Variants in TMEM63C observed in about 807,000 individuals in gnomAD.
TMEM63C encodes osmosensitive cation channel TMEM63C.
Under a neutral mutation model 99.2 loss-of-function variants are expected in TMEM63C, and 32 were observed. The observed-to-expected ratio is 0.32, with a 90% CI of 0.24 to 0.43. The LOEUF is 0.43. TMEM63C is among the 20% of genes least tolerant of loss of function. The probability of loss-of-function intolerance (pLI) is 1.00; values close to 1 mark genes in which losing one functional copy is unlikely to be tolerated. For missense variants in TMEM63C, 826 were observed against 1,053.0 expected (o/e 0.78, Z 2.98); for synonymous variants, 376 against 397.9 (o/e 0.94, Z 0.66).
At chr14:77,192,939 G>T (rs1245053488) in intron 1 of TMEM63C, among the ~76,000 whole-genome samples, 1 of 152,134 alleles carries the variant, frequency 6.6e-6, no homozygotes, top group Non-Finnish European at 1.5e-5. Context: ...GAAAATATGG[G>T]CAAATACTTT....
chr14:77,197,872 C>T lies in TMEM63C; in HGVS notation c.-76-15574C>T, dbSNP rs368365576. Among the ~76,000 whole-genome samples the T allele has an allele frequency of 3.3e-5, 5 of 152,310 alleles. No individual in the cohort carries two copies. The East Asian group carries it at 5.8e-4, about 18-fold the overall frequency. Reference sequence around the variant, plus strand: ...CTCTCAGAGTGGGTGAACTGAGTCCCTAAGGAATGGAAGTGCAGTCACCTA... The same window carrying T: ...CTCTCAGAGTGGGTGAACTGAGTCCTTAAGGAATGGAAGTGCAGTCACCTA... On this transcript the variant is annotated intron_variant, in intron 1 of 23. Coordinates refer to ENST00000298351, the MANE Select transcript of TMEM63C (RefSeq NM_020431.4).
Position 77,253,377 on chromosome 14 carries a change from G to A in TMEM63C, c.2220+1G>A. ...CACCTCCTCCACGCCCACCTCCCTCGTGAGTCCTGAGTCCCAGGGACAGGT... is the reference window on the plus strand; with the variant it reads ...CACCTCCTCCACGCCCACCTCCCTCATGAGTCCTGAGTCCCAGGGACAGGT... On this transcript the variant is annotated splice_donor_variant, in intron 23 of 23. Coordinates refer to ENST00000298351, the MANE Select transcript of TMEM63C (RefSeq NM_020431.4). LOFTEE classifies it high-confidence loss of function. 6.2e-7 allele frequency: 1 copy of A among 1,609,108 alleles called. No individual in the cohort carries two copies. The highest frequency in any genetic ancestry group is 8.5e-7 in the Non-Finnish European group (1 of 1,178,026).
chr14:77,204,286 C>T (rs1269566052), intron 1 of TMEM63C, among the ~76,000 whole-genome samples: 1 of 152,142 alleles, frequency 6.6e-6, no homozygotes, highest in Non-Finnish European at 1.5e-5. Flanking sequence ...ATGCCTCAGT[C>T]TGAGATTTTG....
intron 21 of TMEM63C, 131 bp downstream of exon 21, chr14:77,249,589 C>A: frequency 1.0e-6 from 1 of 1,001,598 alleles, no homozygotes; most frequent in Non-Finnish European, 1.5e-6. Context: ...CTGGCCACAC[C>A]CAGTGACTTC....
chr14:77,246,642 C>T lies in TMEM63C; in HGVS notation c.1569C>T (p.Ile523=). ...TCTTTCTCCGCTGGCTCTTTGACAT[C>T]TACTATCTAGAGCAAGCATCCATCA... The part of the protein sequence containing the change: ...LDVFLRWLFD[I]YYLEQASIRF... The change falls in exon 18 of 24, where the codon ATC becomes ATT. Residue 523 remains isoleucine (I), a synonymous_variant. Transcript: ENST00000298351. 6.2e-7 allele frequency: 1 copy of T among 1,613,466 alleles called. No individual in the cohort carries two copies. The highest frequency in any genetic ancestry group is 8.5e-7 in the Non-Finnish European group (1 of 1,179,694).
intron 23 of TMEM63C, 25 bp downstream of exon 23, chr14:77,253,401 G>T (rs1469530614): frequency 8.8e-6 from 14 of 1,591,420 alleles, no homozygotes; most frequent in Middle Eastern, 1.7e-4. Context: ...CCAGGGACAG[G>T]TTGGGAGGGT....
intron 17 of TMEM63C, among the ~76,000 whole-genome samples, chr14:77,246,367 T>C (rs1594868919): frequency 6.6e-6 from 1 of 152,170 alleles, no homozygotes; most frequent in Non-Finnish European, 1.5e-5. Flanking sequence ...GTGAGAGAAA[T>C]GTCTGCTTAC....
intron 23 of TMEM63C, among the ~76,000 whole-genome samples, chr14:77,255,138 A>C (rs1889440104): frequency 1.3e-5 from 2 of 152,084 alleles, no homozygotes. Context: ...TTACAGGCAC[A>C]TGCCATCACA....
intron 1 of TMEM63C, chr14:77,212,366 A>T (rs1447863279): frequency 6.6e-6 from 1 of 152,202 alleles, no homozygotes; most frequent in African/African-American, 2.4e-5. Flanking sequence ...GATCCTTCCC[A>T]TTGCCCCAGA....
At chr14:77,191,680 G>A (rs938378807) in intron 1 of TMEM63C, among the ~76,000 whole-genome samples, 10 of 151,870 alleles carry the variant, frequency 6.6e-5, no homozygotes, top group African/African-American at 2.2e-4. Context: ...AAGTAGCTGG[G>A]ATCACAGGCA....
At chr14:77,244,636 G>C (rs1363150298) in intron 16 of TMEM63C, among the ~76,000 whole-genome samples, 181 bp downstream of exon 16, 1 of 152,246 alleles carries the variant, frequency 6.6e-6, no homozygotes, top group East Asian at 1.9e-4. Context: ...TTTGGAAGGA[G>C]GGTCTGGGTT....
intron 13 of TMEM63C, 41 bp from the exon 14 acceptor site, chr14:77,242,306 C>CCCCCCAA: frequency 6.3e-7 from 1 of 1,591,598 alleles, no homozygotes; most frequent in Non-Finnish European, 8.6e-7. Context: ...CATCCCCCCA[C>CCCCCCAA]CCCCAGACCC....
Position 77,251,834 on chromosome 14 carries a change from T to C in TMEM63C, c.2084T>C (p.Ile695Thr). ...ITIFSLSTLL[I>T]AMVIAFVGIF... is the part of the protein sequence containing the mutation. ...ATCTTTTCCCTGTCCACCCTCCTCA[T>C]TGCCATGGTGATTGCCTTTGTTGGC... Residue 695 changes from isoleucine (I) to threonine (T), a missense_variant, in exon 22 of 24, where the codon ATT (isoleucine) becomes ACT (threonine). By Grantham distance (89) the Ile-to-Thr change is moderately conservative. Transcript: ENST00000298351. 6.2e-7 allele frequency: 1 copy of C among 1,614,000 alleles called. No individual in the cohort carries two copies. Among genetic ancestry groups the C allele is most frequent in the Non-Finnish European group, 8.5e-7 (1 of 1,179,886 alleles).
chr14:77,245,094 A>G (rs1346170931), intron 16 of TMEM63C, among the ~76,000 whole-genome samples: 3 of 152,268 alleles, frequency 2.0e-5, no homozygotes, highest in Non-Finnish European at 4.4e-5. Context: ...GGCAGCAGCC[A>G]AAAGGTTTGT....
intron 1 of TMEM63C, among the ~76,000 whole-genome samples, chr14:77,186,702 C>T (rs1020847547): frequency 2.0e-5 from 3 of 151,544 alleles, no homozygotes; most frequent in African/African-American, 7.3e-5. Flanking sequence ...AAAAACAAAA[C>T]AAAATAAAAA....
At position 77,241,812 on chromosome 14, in the gene TMEM63C, C is replaced by T. The variant is rs1426841450; in HGVS notation, c.1065-535C>T. Among the ~76,000 whole-genome samples, 12 of 152,238 alleles carry T rather than the reference C, an allele frequency of 7.9e-5. No individual in the cohort carries two copies. The East Asian group carries it at 1.4e-3, about 17-fold the overall frequency. On this transcript the variant is annotated intron_variant, in intron 13 of 23. Transcript: ENST00000298351. ...ACATTGCCATTTGGTAGAGAGGATC[C>T]GGGGCTTAATTACAGCAGAATATGA...
chr14:77,183,950 C>A (rs1594845615), intron 1 of TMEM63C, among the ~76,000 whole-genome samples: 1 of 152,174 alleles, frequency 6.6e-6, no homozygotes, highest in Non-Finnish European at 1.5e-5. Context: ...AGAGAGGCCC[C>A]GTGGTGAGAA....
At chr14:77,246,103 G>T in intron 17 of TMEM63C, 77 bp downstream of exon 17, 1 of 1,161,734 alleles carries the variant, frequency 8.6e-7, no homozygotes, top group South Asian at 1.2e-5. Context: ...AGATACTGTA[G>T]ACCTGCCTGT....
chr14:77,243,117 G>A (rs1889208989), intron 15 of TMEM63C, 61 bp downstream of exon 15: 4 of 1,590,110 alleles, frequency 2.5e-6, no homozygotes, highest in Non-Finnish European at 2.6e-6. Flanking sequence ...TAATTCAGGC[G>A]AGGATGGGAT....
Sources: allele counts gnomAD v4.1 joint callset (sites outside exome capture counted in the v4.1 genomes callset), GRCh38; gene constraint gnomAD v4.1.1; transcripts MANE v1.5; gene names NCBI Gene and HGNC (gene_info 2026-07-23, HGNC 2026-07-21).